The following EEA1 variants were observed in gnomAD, a reference collection of about 807,000 sequenced individuals.
EEA1 encodes the protein early endosome antigen 1, also known as early endosome antigen 1, 162kD.
EEA1 carries 111 observed loss-of-function variants against 209.2 expected under a neutral mutation model. The ratio of observed to expected loss-of-function variants is 0.53; its 90% CI spans 0.45 to 0.62. The LOEUF (loss-of-function observed/expected upper bound fraction) is 0.62, where lower values mean the gene tolerates loss of function less well. Among genes scored for constraint, EEA1 ranks in the 20% least tolerant of loss-of-function variants. The pLI, the probability that EEA1 is intolerant of heterozygous loss-of-function variation, is 0.00. For synonymous variants in EEA1, 536 were observed against 540.6 expected, an observed-to-expected ratio of 0.99 and a Z score of 0.12; for missense variants, 1,343 against 1,530.8, an observed-to-expected ratio of 0.88 and a Z score of 2.05.
intron 1 of EEA1, among the ~76,000 whole-genome samples, chr12:92,924,024 C>A (rs1881115397): frequency 6.6e-6 from 1 of 151,908 alleles, no homozygotes; most frequent in South Asian, 2.1e-4. Context: ...GGCAGGAGGG[C>A]CACTTGAGCC....
Position 92,816,358 on chromosome 12 carries a change from G to C in EEA1, c.1771C>G (p.His591Asp), listed in dbSNP as rs753719204. ...TGCAAATTCTCCTGGGCTTGTTTAT[G>C]ACTTTCTGACTGATTCTTCAGCTTC... ...TEKLKNQSESHKQAQENLHDQ... is the reference protein window; with the variant it reads ...TEKLKNQSESDKQAQENLHDQ... Residue 591 changes from histidine (H) to aspartate (D), a missense_variant, in exon 15 of 29, where the codon CAT becomes GAT. His to Asp is a moderately conservative substitution (Grantham distance 81). Transcript: ENST00000322349. 1.9e-6 allele frequency: 3 copies of C among 1,613,812 alleles called. No individual in the cohort carries two copies. Among genetic ancestry groups the C allele is most frequent in the South Asian group, 1.1e-5 (1 of 91,040 alleles).
chr12:92,801,521 C>A, intron 20 of EEA1, 79 bp downstream of exon 20: 1 of 939,794 alleles, frequency 1.1e-6, no homozygotes, highest in Non-Finnish European at 1.5e-6. Context: ...CAAGAACAAA[C>A]ATGCTTTATA....
In EEA1 at chr12:92,891,647, A is replaced by G; in HGVS notation, c.99T>C (p.Asn33=). The change falls in exon 2 of 29, where the codon AAT becomes AAC. Residue 33 remains asparagine (N), a synonymous_variant. Coordinates refer to ENST00000322349, the MANE Select transcript of EEA1 (RefSeq NM_003566.4). ...SATPINTVDV[N]NESSSEGFIC... Reference sequence around the variant, plus strand: ...TTCATACCTCTGAAGAGCTTTCATTATTGACGTCCACTGTGTTTATAGGAG... The same window carrying G: ...TTCATACCTCTGAAGAGCTTTCATTGTTGACGTCCACTGTGTTTATAGGAG... 1 of 1,605,422 alleles carries G rather than the reference A, an allele frequency of 6.2e-7. No homozygotes were observed. The highest frequency in any genetic ancestry group is 8.5e-7 in the Non-Finnish European group (1 of 1,176,758).
chr12:92,893,466 CA>C (rs1879743893), intron 1 of EEA1, among the ~76,000 whole-genome samples: 1 of 152,174 alleles, frequency 6.6e-6, no homozygotes, highest in African/African-American at 2.4e-5. Flanking sequence ...ACCCAAGATT[CA>C]AAACACCTCA....
In EEA1 at chr12:92,811,445, G is replaced by A; in HGVS notation, c.2044-11C>T. The A allele has an allele frequency of 1.3e-6, 2 of 1,520,062 alleles. No homozygotes were observed. The highest frequency in any genetic ancestry group is 1.8e-6 in the Non-Finnish European group (2 of 1,139,636). 94.2% of individuals were successfully genotyped at this position (1,520,062 alleles called of 1,614,324 possible). ...AATCTTATTTAACTCCTTTAGAAAA[G>A]TACAATTGAAGAAAACTTTGGTAAG... is the stretch of plus-strand genomic sequence containing the variant. On this transcript the variant is annotated splice_polypyrimidine_tract_variant and intron_variant, in intron 16 of 28. Transcript: ENST00000322349.
chr12:92,788,797 T>C (rs1300239589), intron 21 of EEA1, among the ~76,000 whole-genome samples: 1 of 152,232 alleles, frequency 6.6e-6, no homozygotes, highest in Non-Finnish European at 1.5e-5. Context: ...CCTGATATAG[T>C]TGATTATGTC....
intron 1 of EEA1, among the ~76,000 whole-genome samples, chr12:92,899,758 C>A (rs1880073571): frequency 6.6e-6 from 1 of 152,210 alleles, no homozygotes. Context: ...TCTCCTTCCT[C>A]TTGCTCGTTC....
chr12:92,854,673 T>A (rs373536642), intron 5 of EEA1, among the ~76,000 whole-genome samples: 6 of 152,242 alleles, frequency 3.9e-5, no homozygotes, highest in East Asian at 3.8e-4. Flanking sequence ...CATATCCTAT[T>A]GGCCTTAGAT....
At position 92,881,174 on chromosome 12, in the gene EEA1, C is replaced by T. The variant is rs140667475; in HGVS notation, c.117+10455G>A. Among the ~76,000 whole-genome samples the T allele has an allele frequency of 1.9e-3, 285 of 152,008 alleles. 1 individual carries two copies. The highest frequency in any genetic ancestry group is 3.3e-3 in the Non-Finnish European group (226 of 67,968). On this transcript the variant is annotated intron_variant, in intron 2 of 28. Transcript: ENST00000322349. ...ATCCCAGCACTTTGGGAAGCCGAGGCGGGTGGACTGTTTGAGCCCAGGAAT... is the reference window on the plus strand; with the variant it reads ...ATCCCAGCACTTTGGGAAGCCGAGGTGGGTGGACTGTTTGAGCCCAGGAAT...
chr12:92,847,138 T>C (rs1565833144), intron 9 of EEA1, among the ~76,000 whole-genome samples: 1 of 152,104 alleles, frequency 6.6e-6, no homozygotes, highest in Non-Finnish European at 1.5e-5. Flanking sequence ...GTATTTTTAG[T>C]AGAGACAGGG....
chr12:92,810,788 T>C (rs1170749431), intron 17 of EEA1, among the ~76,000 whole-genome samples: 1 of 152,228 alleles, frequency 6.6e-6, no homozygotes, highest in Middle Eastern at 3.4e-3. Context: ...AACACATTCA[T>C]ATGGAGTTGT....
Position 92,847,021 on chromosome 12 carries a change from T to C in EEA1, c.798+4090A>G, listed in dbSNP as rs2136705375. 2.0e-5 allele frequency among the ~76,000 whole-genome samples: 3 copies of C among 152,274 alleles called. No individual in the cohort carries two copies. The Middle Eastern group carries it at 0.01, about 518-fold the overall frequency. ...GGTTCGAAGTACAGTGACATGATCT[T>C]GGCTCACTGCAACCTCCACCTCCCG... On this transcript the variant is annotated intron_variant, in intron 9 of 28. Transcript: ENST00000322349.
intron 18 of EEA1, 110 bp from the exon 19 acceptor site, chr12:92,802,844 G>A: frequency 1.3e-6 from 1 of 786,870 alleles, no homozygotes; most frequent in East Asian, 3.2e-5. Flanking sequence ...TTTTTGTATA[G>A]TTCACAAGTA....
At chr12:92,884,419 T>C (rs1565849548) in intron 2 of EEA1, 9 of 1,319,864 alleles carry the variant, frequency 6.8e-6, no homozygotes, top group Non-Finnish European at 1.1e-6. Context: ...ACAACACTGG[T>C]AGTGGAGGAA....
intron 16 of EEA1, 147 bp from the exon 17 acceptor site, chr12:92,811,581 C>A: frequency 2.2e-6 from 1 of 446,236 alleles, no homozygotes; most frequent in Non-Finnish European, 3.7e-6. Context: ...ATATCAGAGG[C>A]TATACTTACC....
intron 1 of EEA1, among the ~76,000 whole-genome samples, chr12:92,927,196 G>A (rs1254162445): frequency 6.6e-6 from 1 of 152,188 alleles, no homozygotes; most frequent in Non-Finnish European, 1.5e-5. Context: ...CAAGGGGGAA[G>A]GGATATAGGG....
chr12:92,790,291 T>A (rs1874341252), intron 21 of EEA1, among the ~76,000 whole-genome samples: 1 of 152,022 alleles, frequency 6.6e-6, no homozygotes, highest in South Asian at 2.1e-4. Context: ...CTTTGACGAG[T>A]TGACAGATGT....
intron 20 of EEA1, among the ~76,000 whole-genome samples, chr12:92,800,702 TAACTC>T (rs1433552396): frequency 6.6e-6 from 1 of 152,236 alleles, no homozygotes; most frequent in Non-Finnish European, 1.5e-5. Flanking sequence ...TTTCTCACAA[TAACTC>T]TATCACATAG....
At chr12:92,832,890 T>C (rs7296923) in intron 10 of EEA1, 40 bp from the exon 11 acceptor site, 419,506 of 1,429,036 alleles carry the variant, frequency 0.29, 66,495 homozygotes, top group Non-Finnish European at 0.33. Flanking sequence ...TTTTCTAATA[T>C]TTTTAATTAC....
Sources: gnomAD v4.1 joint callset for allele counts (sites outside exome capture counted in the v4.1 genomes callset) on GRCh38, gnomAD v4.1.1 for gene constraint, MANE v1.5 for transcripts, NCBI Gene and HGNC (gene_info 2026-07-23, HGNC 2026-07-21) for gene names.